The following MPRIP variants were observed in gnomAD, a reference collection of about 807,000 sequenced individuals.
MPRIP encodes the protein myosin phosphatase Rho interacting protein, also known as myosin phosphatase Rho-interacting protein.
Under a neutral mutation model 234.9 loss-of-function variants are expected in MPRIP, and 59 were observed. That is an observed-to-expected ratio of 0.25 (90% CI 0.20 to 0.31). The LOEUF is 0.31. Among genes scored for constraint, MPRIP ranks in the 10% least tolerant of loss-of-function variants. The pLI is 1.00. For synonymous variants in MPRIP, 1,144 were observed against 1,263.9 expected (o/e 0.91, Z 2.01); for missense variants, 2,436 against 3,071.0 (o/e 0.79, Z 4.89).
intron 3 of MPRIP, among the ~76,000 whole-genome samples, chr17:17,091,655 C>T (rs1318945043): frequency 1.3e-5 from 2 of 152,176 alleles, no homozygotes; most frequent in African/African-American, 2.4e-5. Flanking sequence ...ACATCCCTTG[C>T]GGTCCTCCCG....
At chr17:17,175,949 A>G (rs1409056828) in intron 20 of MPRIP, among the ~76,000 whole-genome samples, 1 of 152,220 alleles carries the variant, frequency 6.6e-6, no homozygotes, top group Non-Finnish European at 1.5e-5. Context: ...GCCTCCTGGC[A>G]GTGACACTGA....
At chr17:17,131,490 C>T in intron 4 of MPRIP, 127 bp from the exon 5 acceptor site, 1 of 730,982 alleles carries the variant, frequency 1.4e-6, no homozygotes, top group Non-Finnish European at 2.3e-6. Context: ...ACTTCTGGCC[C>T]CAGCGTAGCA....
chr17:17,044,635 G>C (rs1191533357), intron 1 of MPRIP, among the ~76,000 whole-genome samples: 1 of 152,136 alleles, frequency 6.6e-6, no homozygotes, highest in African/African-American at 2.4e-5. Flanking sequence ...GTTATTCTAA[G>C]CAACTGTCAA....
At chr17:17,063,617 G>A (rs1263450165) in intron 1 of MPRIP, among the ~76,000 whole-genome samples, 13 of 152,166 alleles carry the variant, frequency 8.5e-5, no homozygotes, top group East Asian at 1.9e-4. Flanking sequence ...GCCGGATTGC[G>A]CAATATGTCT....
Position 17,096,001 on chromosome 17 carries a change from C to A in MPRIP, c.267+17925C>A, listed in dbSNP as rs552022481. On this transcript the variant is annotated intron_variant, in intron 3 of 23. Coordinates refer to ENST00000651222, the MANE Select transcript of MPRIP (RefSeq NM_001364716.4). ...ATCCTTGAGAGTTTATACCTCCCCCCCACACACACTTTATGGTCATATTAA... is the reference window on the plus strand; with the variant it reads ...ATCCTTGAGAGTTTATACCTCCCCCACACACACACTTTATGGTCATATTAA... Among the ~76,000 whole-genome samples, 930 of 152,256 alleles carry A rather than the reference C, an allele frequency of 6.1e-3. 6 individuals are homozygous for A. Among genetic ancestry groups the A allele is most frequent in the Non-Finnish European group, 0.011 (758 of 68,020 alleles).
chr17:17,045,208 G>C (rs1432242884), intron 1 of MPRIP, among the ~76,000 whole-genome samples: 1 of 152,230 alleles, frequency 6.6e-6, no homozygotes, highest in Non-Finnish European at 1.5e-5. Context: ...CTTAAGAGGA[G>C]AGGATACTGG....
chr17:17,072,200 C>G (rs1567696066), intron 1 of MPRIP, among the ~76,000 whole-genome samples: 1 of 152,202 alleles, frequency 6.6e-6, no homozygotes, highest in Non-Finnish European at 1.5e-5. Context: ...TTTAGATAGT[C>G]TGAGACATAG....
chr17:17,160,851 G>A (rs926393388), intron 14 of MPRIP, among the ~76,000 whole-genome samples: 8 of 152,202 alleles, frequency 5.3e-5, no homozygotes, highest in Admixed American at 5.2e-4. Flanking sequence ...TCCAGATGCA[G>A]ATGCAAAACC....
chr17:17,168,800 C>G (rs928859149), intron 16 of MPRIP: 7 of 453,024 alleles, frequency 1.5e-5, no homozygotes, highest in African/African-American at 6.0e-5. Flanking sequence ...AAGCCATGTT[C>G]AGGTGGTGCC....
intron 1 of MPRIP, among the ~76,000 whole-genome samples, chr17:17,046,236 A>T (rs964728643): frequency 6.6e-6 from 1 of 152,218 alleles, no homozygotes; most frequent in Non-Finnish European, 1.5e-5. Flanking sequence ...TGCCAGAACC[A>T]TTTTGCATAT....
In MPRIP at chr17:17,092,721, T is replaced by C. The variant is rs149945071; in HGVS notation, c.267+14645T>C. ...GAGTAAAGTTTTCCTCCTGGGGTCA[T>C]TTCACCCTTGTTCTCTATCTCTCTC... is the stretch of plus-strand genomic sequence containing the variant. On this transcript the variant is annotated intron_variant, in intron 3 of 23. Transcript: ENST00000651222. Among the ~76,000 whole-genome samples, 49 of 152,252 alleles carry C rather than the reference T, an allele frequency of 3.2e-4. No homozygotes were observed. The East Asian group carries it at 6.2e-3, about 19-fold the overall frequency.
chr17:17,163,995 G>T, intron 15 of MPRIP, 114 bp from the exon 16 acceptor site: 1 of 644,600 alleles, frequency 1.6e-6, no homozygotes, highest in Non-Finnish European at 2.3e-6. Context: ...TTGTACAAAG[G>T]ATAAAAGCCA....
chr17:17,175,040 C>T (rs1326781867), intron 19 of MPRIP, among the ~76,000 whole-genome samples: 1 of 152,214 alleles, frequency 6.6e-6, no homozygotes, highest in Non-Finnish European at 1.5e-5. Flanking sequence ...TATGAGGCTG[C>T]TCAGGCAGGA....
intron 1 of MPRIP, among the ~76,000 whole-genome samples, 177 bp from the exon 2 acceptor site, chr17:17,075,533 T>A (rs914738130): frequency 1.3e-5 from 2 of 152,136 alleles, no homozygotes; most frequent in South Asian, 4.2e-4. Flanking sequence ...TGCTGCAGAA[T>A]CCCCGCCAGC....
rs2046254826 is a variant in MPRIP at position 17,176,418 on chromosome 17, C to G, written c.6871-8C>G. 6.2e-7 allele frequency: 1 copy of G among 1,609,408 alleles called. No individual in the cohort carries two copies. Among genetic ancestry groups the G allele is most frequent in the African/African-American group, 1.3e-5 (1 of 74,812 alleles). On this transcript the variant is annotated splice_polypyrimidine_tract_variant and splice_region_variant and intron_variant, in intron 20 of 23. Coordinates refer to ENST00000651222, the MANE Select transcript of MPRIP (RefSeq NM_001364716.4). ...GAATATTGGTCCCTGATCTCTCTGTCATTTTAGGTCTTATTGCGGGTAAAG... is the reference window on the plus strand; with the variant it reads ...GAATATTGGTCCCTGATCTCTCTGTGATTTTAGGTCTTATTGCGGGTAAAG...
chr17:17,158,385 C>T (rs2045778737), intron 13 of MPRIP, 47 bp from the exon 14 acceptor site: 2 of 1,498,152 alleles, frequency 1.3e-6, no homozygotes, highest in South Asian at 1.3e-5. Context: ...TGGCAGGCCA[C>T]ACCAGAGCCG....
At chr17:17,163,055 CT>C (rs1249265129) in intron 15 of MPRIP, among the ~76,000 whole-genome samples, 1 of 152,188 alleles carries the variant, frequency 6.6e-6, no homozygotes, top group Non-Finnish European at 1.5e-5. Context: ...TAACCTGTGA[CT>C]TCTCACCACC....
At chr17:17,115,592 C>T (rs577991453) in intron 3 of MPRIP, among the ~76,000 whole-genome samples, 12 of 152,198 alleles carry the variant, frequency 7.9e-5, no homozygotes, top group African/African-American at 2.2e-4. Flanking sequence ...AGGATATTCA[C>T]GTGGTTATAC....
At chr17:17,173,746 A>G (rs1267215763) in intron 18 of MPRIP, 170 bp from the exon 19 acceptor site, 1 of 765,062 alleles carries the variant, frequency 1.3e-6, no homozygotes, top group Non-Finnish European at 2.3e-6. Flanking sequence ...GAGGGGCGTG[A>G]GGCCATCTCT....
Sources: allele counts gnomAD v4.1 joint callset (sites outside exome capture counted in the v4.1 genomes callset), GRCh38; gene constraint gnomAD v4.1.1; transcripts MANE v1.5; gene names NCBI Gene and HGNC (gene_info 2026-07-23, HGNC 2026-07-21).